Variants in CCDC91 observed in about 807,000 individuals in gnomAD.
CCDC91 encodes coiled-coil domain containing 91.
CCDC91 carries 48 observed loss-of-function variants against 63.2 expected under a neutral mutation model. That is an observed-to-expected ratio of 0.76 (90% CI 0.60 to 0.97). The LOEUF (loss-of-function observed/expected upper bound fraction) is 0.97, where lower values mean the gene tolerates loss of function less well. Ranked by LOEUF, CCDC91 falls within the 50% of genes least tolerant of loss-of-function variation. CCDC91 has a pLI of 0.00. For missense variants in CCDC91, 500 were observed against 494.6 expected, an observed-to-expected ratio of 1.01 and a Z score of -0.10; for synonymous variants, 167 against 165.8, an observed-to-expected ratio of 1.01 and a Z score of -0.06.
At chr12:28,368,695 T>A (rs761389702) in intron 7 of CCDC91, among the ~76,000 whole-genome samples, 1 of 152,312 alleles carries the variant, frequency 6.6e-6, no homozygotes, top group Non-Finnish European at 1.5e-5. Flanking sequence ...CATACTGTTA[T>A]AAAGAACTAC....
intron 8 of CCDC91, among the ~76,000 whole-genome samples, chr12:28,444,731 T>C (rs1465231677): frequency 1.3e-5 from 2 of 152,198 alleles, no homozygotes; most frequent in Non-Finnish European, 2.9e-5. Context: ...TCTCGGGTAC[T>C]GGGCTTAGTA....
At chr12:28,338,821 T>C (rs1014931807) in intron 6 of CCDC91, among the ~76,000 whole-genome samples, 3 of 151,806 alleles carry the variant, frequency 2.0e-5, no homozygotes, top group Non-Finnish European at 2.9e-5. Flanking sequence ...TGTATTCTGG[T>C]ATATTTCTTT....
In CCDC91 at chr12:28,266,851, CTT is replaced by C. The variant is rs1052084883; in HGVS notation, c.109+7411_109+7412del. ...ATAATATGAAGATAGTGCTCTGACT[CTT>C]TATAATCCTAAGTTAGCGCCCCCCG... On this transcript the variant is annotated intron_variant, in intron 3 of 12. Coordinates refer to ENST00000536442, the MANE Select transcript of CCDC91 (RefSeq NM_018318.5). 5.8e-4 allele frequency among the ~76,000 whole-genome samples: 88 copies of C among 151,868 alleles called. 1 individual carries two copies. The highest frequency in any genetic ancestry group is 6.8e-3 in the Middle Eastern group (2 of 294).
At chr12:28,353,883 G>T (rs1358349015) in intron 6 of CCDC91, among the ~76,000 whole-genome samples, 1 of 152,062 alleles carries the variant, frequency 6.6e-6, no homozygotes, top group Non-Finnish European at 1.5e-5. Flanking sequence ...AACACACATT[G>T]GGGCCAATTG....
At chr12:28,483,480 T>G (rs1167955217) in intron 11 of CCDC91, among the ~76,000 whole-genome samples, 1 of 152,066 alleles carries the variant, frequency 6.6e-6, no homozygotes, top group Non-Finnish European at 1.5e-5. Context: ...ACTATTTCAA[T>G]AAACGGAGAG....
At chr12:28,295,575 G>A (rs1238152595) in intron 3 of CCDC91, among the ~76,000 whole-genome samples, 1 of 151,930 alleles carries the variant, frequency 6.6e-6, no homozygotes, top group African/African-American at 2.4e-5. Context: ...TCAGGGTAAA[G>A]TTTTCTAATG....
chr12:28,240,982 C>G (rs1592080316), intron 1 of CCDC91, among the ~76,000 whole-genome samples: 1 of 152,140 alleles, frequency 6.6e-6, no homozygotes, highest in East Asian at 1.9e-4. Context: ...TACATTCCCA[C>G]CAGAAAAAGT....
At chr12:28,457,473 T>C (rs751421218) in intron 11 of CCDC91, among the ~76,000 whole-genome samples, 21 of 149,188 alleles carry the variant, frequency 1.4e-4, no homozygotes, top group Non-Finnish European at 2.5e-4. Context: ...GGAAATGATC[T>C]AGTATGGCAA....
chr12:28,484,048 A>T lies in CCDC91; in HGVS notation c.1102-4A>T. 14 of 1,602,292 alleles carry T rather than the reference A, an allele frequency of 8.7e-6. No individual in the cohort carries two copies. The highest frequency in any genetic ancestry group is 1.1e-5 in the Non-Finnish European group (13 of 1,172,394). The stretch of plus-strand genomic sequence containing the variant: ...CTGACTGTTTTGCCTTCTCCCACAA[A>T]CAGGAAACTGTTAAGGCAGCAATAA... On this transcript the variant is annotated splice_polypyrimidine_tract_variant and splice_region_variant and intron_variant, in intron 11 of 12. Transcript: ENST00000536442.
At chr12:28,291,209 T>C (rs1248521376) in intron 3 of CCDC91, among the ~76,000 whole-genome samples, 14 of 152,222 alleles carry the variant, frequency 9.2e-5, no homozygotes, top group Admixed American at 9.2e-4. Context: ...TGGAAAGCAT[T>C]TTCTGCACCC....
intron 6 of CCDC91, among the ~76,000 whole-genome samples, chr12:28,345,013 A>T (rs1489488149): frequency 3.9e-5 from 6 of 152,092 alleles, no homozygotes; most frequent in African/African-American, 1.4e-4. Context: ...TCTAAGATAG[A>T]CACTTAGTAT....
intron 8 of CCDC91, among the ~76,000 whole-genome samples, chr12:28,411,971 A>G (rs779002096): frequency 6.6e-6 from 1 of 151,472 alleles, no homozygotes; most frequent in African/African-American, 2.4e-5. Flanking sequence ...ACACCACCAC[A>G]TTGGAGATCA....
At chr12:28,356,049 A>G (rs1259081080) in intron 6 of CCDC91, among the ~76,000 whole-genome samples, 1 of 151,824 alleles carries the variant, frequency 6.6e-6, no homozygotes, top group Non-Finnish European at 1.5e-5. Context: ...TTTTATATTT[A>G]TCTAAATTTG....
intron 6 of CCDC91, among the ~76,000 whole-genome samples, chr12:28,354,907 A>G (rs1369720222): frequency 6.6e-6 from 1 of 152,200 alleles, no homozygotes; most frequent in Non-Finnish European, 1.5e-5. Flanking sequence ...TGCTGTAACC[A>G]CAAAGTAGGG....
intron 12 of CCDC91, among the ~76,000 whole-genome samples, chr12:28,508,928 A>T (rs961783777): frequency 6.6e-6 from 1 of 151,942 alleles, no homozygotes; most frequent in Non-Finnish European, 1.5e-5. Context: ...TGACCTAGAG[A>T]GTGGATTACA....
At chr12:28,513,724 T>G (rs530328680) in intron 12 of CCDC91, among the ~76,000 whole-genome samples, 1 of 152,020 alleles carries the variant, frequency 6.6e-6, no homozygotes, top group South Asian at 2.1e-4. Context: ...TTTGATTTTC[T>G]AATCCTGTAT....
intron 7 of CCDC91, among the ~76,000 whole-genome samples, chr12:28,388,498 AC>A (rs1202776468): frequency 6.6e-6 from 1 of 152,154 alleles, no homozygotes; most frequent in East Asian, 1.9e-4. Context: ...CAAGAACTCA[AC>A]CCCTTTTACA....
At chr12:28,264,552 T>G (rs1385748526) in intron 3 of CCDC91, among the ~76,000 whole-genome samples, 1 of 139,604 alleles carries the variant, frequency 7.2e-6, no homozygotes. Flanking sequence ...TATATGTGTA[T>G]AAGAATATAG....
At chr12:28,203,048 G>A (rs2121516859) in intron 1 of CCDC91, among the ~76,000 whole-genome samples, 1 of 152,318 alleles carries the variant, frequency 6.6e-6, no homozygotes, top group East Asian at 1.9e-4. Context: ...TCTGGGAATG[G>A]GGTTTTGGAG....
Sources: gnomAD v4.1 joint callset for allele counts (sites outside exome capture counted in the v4.1 genomes callset) on GRCh38, gnomAD v4.1.1 for gene constraint, MANE v1.5 for transcripts, NCBI Gene and HGNC (gene_info 2026-07-23, HGNC 2026-07-21) for gene names.